SLC27A3: variants seen among roughly 807,000 people sequenced by gnomAD.
SLC27A3 encodes solute carrier family 27 member 3, also known as long-chain fatty acid transport protein 3.
Under a neutral mutation model 60.1 loss-of-function variants are expected in SLC27A3, and 60 were observed. The ratio of observed to expected loss-of-function variants is 1.00; its 90% CI spans 0.81 to 1.24. SLC27A3 has a LOEUF of 1.24. Among genes scored for constraint, SLC27A3 ranks in the 50% most tolerant of loss-of-function variants. The pLI is 0.00. For missense variants in SLC27A3, 1,079 were observed against 929.9 expected (o/e 1.16, Z -2.09); for synonymous variants, 455 against 409.0 (o/e 1.11, Z -1.36).
chr1:153,778,333 G>A lies in SLC27A3; in HGVS notation c.1334G>A (p.Gly445Glu), dbSNP rs759989805. The change falls in exon 5 of 10, where the codon GGG becomes GAG. Residue 445 changes from glycine to glutamate, a missense_variant. Transcript: ENST00000624995. ...TACACAGGACAGCGGGGCGCTGTGG[G>A]GCGTGCTTCCTGGCTTTACAAGGTG... The part of the protein sequence containing the change: ...INYTGQRGAV[G>E]RASWLYKHIF... 1.2e-6 allele frequency: 2 copies of A among 1,614,088 alleles called. No individual in the cohort carries two copies. The highest frequency in any genetic ancestry group is 3.3e-5 in the Admixed American group (2 of 60,006).
At chr1:153,776,254 G>A in intron 1 of SLC27A3, 90 bp downstream of exon 1, 1 of 1,415,194 alleles carries the variant, frequency 7.1e-7, no homozygotes, top group Admixed American at 3.2e-5. Flanking sequence ...CTCATCCCTG[G>A]GCCTGGGAAG....
chr1:153,779,282 G>A (rs1027121441), intron 8 of SLC27A3, 61 bp from the exon 9 acceptor site: 33 of 1,613,698 alleles, frequency 2.0e-5, no homozygotes, highest in Non-Finnish European at 2.7e-5. Flanking sequence ...GGCGCAGGGA[G>A]CACGAGGCCT....
rs904753440 is a variant in SLC27A3, at chr1:153,778,203, A to T, written c.1204A>T (p.Ser402Cys). Residue 402 changes from serine (S) to cysteine (C), a missense_variant, in exon 5 of 10, where the codon AGC becomes TGC. Transcript: ENST00000624995. The part of the protein sequence containing the change: ...RGHKVRLAVG[S>C]GLRPDTWERF... ...CCATAAGGTCCGGCTGGCAGTGGGC[A>T]GCGGGCTGCGCCCAGATACCTGGGA... The T allele has an allele frequency of 6.2e-7, 1 of 1,612,932 alleles. No homozygotes were observed. The highest frequency in any genetic ancestry group is 8.5e-7 in the Non-Finnish European group (1 of 1,180,010).
rs753133913 is a variant in SLC27A3, at chr1:153,777,081, G to A, written c.897G>A (p.Arg299=). 2 of 1,614,206 alleles carry A rather than the reference G, an allele frequency of 1.2e-6. No homozygotes were observed. The highest frequency in any genetic ancestry group is 2.2e-5 in the South Asian group (2 of 91,084). ...CCACAGGCCTCCCCAAGGCTGCTCG[G>A]ATCAGTCATCTGAAGATCCTGCAAT... is the stretch of plus-strand genomic sequence containing the variant. The part of the protein sequence containing the change: ...SGTTGLPKAA[R]ISHLKILQCQ... The change falls in exon 3 of 10, where the codon CGG becomes CGA. Residue 299 remains arginine, a synonymous_variant. Transcript: ENST00000624995.
At position 153,777,830 on chromosome 1, in the gene SLC27A3, T is replaced by C. The variant is rs758002673; in HGVS notation, c.1106T>C (p.Val369Ala). 13 of 1,614,078 alleles carry C rather than the reference T, an allele frequency of 8.1e-6. No homozygotes were observed. Among genetic ancestry groups the C allele is most frequent in the Non-Finnish European group, 1.0e-5 (12 of 1,180,052 alleles). The change falls in exon 4 of 10, where the codon GTG (valine) becomes GCG (alanine). Residue 369 changes from valine (V) to alanine (A), a missense_variant. By Grantham distance (64) the Val-to-Ala change is moderately conservative. Coordinates refer to ENST00000624995, the MANE Select transcript of SLC27A3 (RefSeq NM_024330.4). The stretch of plus-strand genomic sequence containing the variant: ...TGGGAAGATTGCCAGCAGCACAGGG[T>C]GACGGTGTTCCAGTACATTGGGGAG... ...QFWEDCQQHRVTVFQYIGELC... is the reference protein window; with the variant it reads ...QFWEDCQQHRATVFQYIGELC...
rs758623922 is a variant in SLC27A3, at chr1:153,779,096, A to G, written c.1647-18A>G. On this transcript the variant is annotated intron_variant, in intron 7 of 9. Coordinates refer to ENST00000624995, the MANE Select transcript of SLC27A3 (RefSeq NM_024330.4). ...CCTGACCCCTGACTCCCAGTTTCAG[A>G]TCTCTGCTCTCTGACAGGTGGAAGG... 6.2e-7 allele frequency: 1 copy of G among 1,613,378 alleles called. No homozygotes were observed.
In SLC27A3 at chr1:153,775,572, G is replaced by A; in HGVS notation, c.75G>A (p.Gln25=). 1 of 1,609,904 alleles carries A rather than the reference G, an allele frequency of 6.2e-7. No homozygotes were observed. Among genetic ancestry groups the A allele is most frequent in the South Asian group, 1.1e-5 (1 of 91,016 alleles). The change falls in exon 1 of 10, where the codon CAG becomes CAA. Residue 25 remains glutamine, a synonymous_variant. Transcript: ENST00000624995. ...TGCTGAAGCTACACCTCTGGCCGCAGTTGCGCTGGCTTCCGGCGGACTTGG... is the reference window on the plus strand; with the variant it reads ...TGCTGAAGCTACACCTCTGGCCGCAATTGCGCTGGCTTCCGGCGGACTTGG... ...LLLLKLHLWP[Q]LRWLPADLAF...
chr1:153,778,579 C>T lies in SLC27A3; in HGVS notation c.1447+26C>T, dbSNP rs531114966. The T allele has an allele frequency of 9.8e-5, 158 of 1,610,212 alleles. No individual in the cohort carries two copies. In the Middle Eastern group the frequency reaches 9.9e-4, roughly 10 times the overall value. Reference sequence around the variant, plus strand: ...GTTGGTGGTGTTCTGGTGGGGTGGGCGGGGTGCTGAAGCTGGCACAGGAGG... The same window carrying T: ...GTTGGTGGTGTTCTGGTGGGGTGGGTGGGGTGCTGAAGCTGGCACAGGAGG... On this transcript the variant is annotated intron_variant, in intron 6 of 9. Coordinates refer to ENST00000624995, the MANE Select transcript of SLC27A3 (RefSeq NM_024330.4).
chr1:153,776,027 G>A lies in SLC27A3; in HGVS notation c.530G>A (p.Gly177Asp). Residue 177 changes from glycine (G) to aspartate (D), a missense_variant, in exon 1 of 10, where the codon GGC (glycine) becomes GAC (aspartate). By Grantham distance (94) the Gly-to-Asp change is moderately conservative. Transcript: ENST00000624995. Reference sequence around the variant, plus strand: ...ACTGTGGCGCTGCTCCTCCCCGCTGGCCCAGAGTTTCTGTGGCTCTGGTTC... The same window carrying A: ...ACTGTGGCGCTGCTCCTCCCCGCTGACCCAGAGTTTCTGTGGCTCTGGTTC... The part of the protein sequence containing the change: ...GATVALLLPA[G>D]PEFLWLWFGL... The A allele has an allele frequency of 6.9e-7, 1 of 1,455,058 alleles. No homozygotes were observed. The highest frequency in any genetic ancestry group is 9.0e-7 in the Non-Finnish European group (1 of 1,111,332). The allele number at this position is 1,455,058 out of a possible 1,614,324, so 90.1% of individuals were successfully genotyped here. A position where few individuals can be genotyped will look rare whatever the true frequency, so the allele number is the denominator to read the frequency against.
In SLC27A3 at chr1:153,779,338, A is replaced by C; in HGVS notation, c.1745-5A>C. 2.5e-6 allele frequency: 4 copies of C among 1,613,916 alleles called. No individual in the cohort carries two copies. Among genetic ancestry groups the C allele is most frequent in the Non-Finnish European group, 3.4e-6 (4 of 1,179,900 alleles). ...GGGGCTTACTCTGTCTCCCACACCC[A>C]CCAGGGCATGAAGGCAGGGCTGGAA... On this transcript the variant is annotated splice_region_variant and splice_polypyrimidine_tract_variant and intron_variant, in intron 8 of 9. Transcript: ENST00000624995.
intron 3 of SLC27A3, 85 bp downstream of exon 3, chr1:153,777,305 A>C: frequency 6.6e-7 from 1 of 1,510,484 alleles, no homozygotes; most frequent in Non-Finnish European, 9.1e-7. Context: ...TCCAGGGTAG[A>C]TAATCTAGAG....
At chr1:153,776,916 C>T in intron 2 of SLC27A3, 146 bp from the exon 3 acceptor site, 3 of 987,952 alleles carry the variant, frequency 3.0e-6, no homozygotes, top group Non-Finnish European at 4.5e-6. Context: ...CCAGACCACC[C>T]ATATTTCCAG....
chr1:153,775,804 G>A lies in SLC27A3; in HGVS notation c.307G>A (p.Ala103Thr), dbSNP rs1295264239. 6.7e-6 allele frequency: 10 copies of A among 1,498,456 alleles called. No individual in the cohort carries two copies. The highest frequency in any genetic ancestry group is 8.0e-6 in the Non-Finnish European group (9 of 1,128,512). The allele number at this position is 1,498,456 out of a possible 1,614,324, so 92.8% of individuals were successfully genotyped here. ...YSEAERESNR[A>T]ARAFLRALGW... Reference sequence around the variant, plus strand: ...AGAGGCGGAGCGCGAGAGTAACAGGGCTGCACGCGCCTTCCTACGTGCGCT... The same window carrying A: ...AGAGGCGGAGCGCGAGAGTAACAGGACTGCACGCGCCTTCCTACGTGCGCT... Residue 103 changes from alanine to threonine, a missense_variant, in exon 1 of 10, where the codon GCT becomes ACT. Transcript: ENST00000624995.
chr1:153,779,079 C>G (rs1350147499), intron 7 of SLC27A3, 35 bp from the exon 8 acceptor site: 1 of 1,608,594 alleles, frequency 6.2e-7, no homozygotes, highest in Non-Finnish European at 8.5e-7. Context: ...GCCCTGACCC[C>G]TGACTCCCAG....
intron 1 of SLC27A3, 35 bp downstream of exon 1, chr1:153,776,199 C>A: frequency 7.1e-7 from 1 of 1,407,352 alleles, no homozygotes; most frequent in Non-Finnish European, 9.2e-7. Flanking sequence ...TAAGGCGGGG[C>A]CAGCCACAGA....
rs1482479980 is a variant in SLC27A3, at chr1:153,780,050, G to A, written c.*48G>A. On this transcript the variant is annotated 3_prime_UTR_variant, in exon 10 of 10. Coordinates refer to ENST00000624995, the MANE Select transcript of SLC27A3 (RefSeq NM_024330.4). ...TGAGAGAGGAACTCTGTGGGGTGGGGGCCGTTGCAGGTGTACTGGGCTGTC... is the reference window on the plus strand; with the variant it reads ...TGAGAGAGGAACTCTGTGGGGTGGGAGCCGTTGCAGGTGTACTGGGCTGTC... 1.3e-6 allele frequency: 2 copies of A among 1,535,010 alleles called. No individual in the cohort carries two copies. Among genetic ancestry groups the A allele is most frequent in the African/African-American group, 1.4e-5 (1 of 72,764 alleles).
rs1489501977 is a variant in SLC27A3, at chr1:153,775,415, C to CG, written c.-81dup. ...AAGGAGAAGTCTCAGCTAGAACGAGCGGCCCTAGGTTTTCGGAAGGGAGGA... is the reference window on the plus strand; with the variant it reads ...AAGGAGAAGTCTCAGCTAGAACGAGCGGGCCCTAGGTTTTCGGAAGGGAGGA... On this transcript the variant is annotated 5_prime_UTR_variant, in exon 1 of 10. Coordinates refer to ENST00000624995, the MANE Select transcript of SLC27A3 (RefSeq NM_024330.4). 5.0e-6 allele frequency: 8 copies of CG among 1,611,418 alleles called. No homozygotes were observed. Among genetic ancestry groups the CG allele is most frequent in the Non-Finnish European group, 6.8e-6 (8 of 1,179,998 alleles).
In SLC27A3 at chr1:153,776,578, G is replaced by A. The variant is rs1673236435; in HGVS notation, c.728G>A (p.Trp243Ter). 5 of 1,614,058 alleles carry A rather than the reference G, an allele frequency of 3.1e-6. No individual in the cohort carries two copies. The highest frequency in any genetic ancestry group is 4.2e-6 in the Non-Finnish European group (5 of 1,180,040). The change falls in exon 2 of 10, where the codon TGG becomes TAG. Residue 243 changes from tryptophan (W) to a stop codon, truncating the protein, a stop_gained. Transcript: ENST00000624995. LOFTEE classifies it high-confidence loss of function. ...PALRAMGLHL[W>*]AAGPGTHPAG... ...CTGAGAGCCATGGGGCTCCACCTGT[G>A]GGCTGCAGGCCCAGGAACCCACCCT...
rs774887191 is a variant in SLC27A3, at chr1:153,778,386, TG to T, written c.1356+33del. 3.7e-6 allele frequency: 6 copies of T among 1,613,740 alleles called. No homozygotes were observed. The South Asian group carries it at 6.6e-5, about 18-fold the overall frequency. ...GGGCAGAGAGGAAACTGAAAACCCG[TG>T]GAACAGCAGAGGGCTGGCAGGAGAG... On this transcript the variant is annotated intron_variant, in intron 5 of 9. Transcript: ENST00000624995.
Sources: gnomAD v4.1 joint callset for allele counts on GRCh38, gnomAD v4.1.1 for gene constraint, MANE v1.5 for transcripts, NCBI Gene and HGNC (gene_info 2026-07-23, HGNC 2026-07-21) for gene names.